The following PLEKHG1 variants were observed in gnomAD, a reference collection of about 807,000 sequenced individuals.
PLEKHG1 encodes the protein pleckstrin homology domain-containing family G member 1.
In PLEKHG1, 44 loss-of-function variants were observed where a neutral mutation model predicts 100.8. The ratio of observed to expected loss-of-function variants is 0.44; its 90% confidence interval spans 0.34 to 0.56. The LOEUF is 0.56. PLEKHG1 is among the 20% of genes least tolerant of loss of function. PLEKHG1 has a pLI of 0.01. For synonymous variants in PLEKHG1, 640 were observed against 662.5 expected (o/e 0.97, Z 0.52); for missense variants, 1,545 against 1,720.9 (o/e 0.90, Z 1.81).
At chr6:150,754,074 A>T in intron 2 of PLEKHG1, among the ~76,000 whole-genome samples, 1 of 152,228 alleles carries the variant, frequency 6.6e-6, no homozygotes, top group South Asian at 2.1e-4. Flanking sequence ...GCACTACATG[A>T]TGATGACCCT....
chr6:150,713,289 C>G (rs995946936), intron 3 of PLEKHG1, among the ~76,000 whole-genome samples: 27 of 151,968 alleles, frequency 1.8e-4, no homozygotes, highest in Non-Finnish European at 3.1e-4. Flanking sequence ...AAAAAAAAAT[C>G]CTGGAAAGTA....
intron 13 of PLEKHG1, among the ~76,000 whole-genome samples, chr6:150,822,106 G>T (rs1177712381): frequency 7.4e-6 from 1 of 134,432 alleles, no homozygotes; most frequent in East Asian, 2.3e-4. Flanking sequence ...CTCCCAAAGT[G>T]CTGGGATTAC....
In PLEKHG1 at chr6:150,721,201, G is replaced by A; in HGVS notation, c.-99+1G>A. The A allele has an allele frequency of 1.1e-5, 11 of 983,200 alleles. No homozygotes were observed. Among genetic ancestry groups the A allele is most frequent in the Middle Eastern group, 1.0e-3 (2 of 1,916 alleles). 60.9% of individuals were successfully genotyped at this position (983,200 alleles called of 1,614,324 possible). On this transcript the variant is annotated splice_donor_variant, in intron 1 of 15. Coordinates refer to ENST00000358517, the Ensembl canonical transcript of PLEKHG1. LOFTEE classifies it low-confidence loss of function (5UTR_SPLICE). ...GTGCTTAAGCCTGAGTGGAGCAGAG[G>A]TAGGTGCTAATGTGAGTGTCCCCAA...
At chr6:150,807,634 G>A (rs1316565501) in intron 7 of PLEKHG1, among the ~76,000 whole-genome samples, 3 of 152,100 alleles carry the variant, frequency 2.0e-5, no homozygotes, top group Admixed American at 1.3e-4. Context: ...GGGGAGTGGG[G>A]CAAGTGGGGG....
At chr6:150,729,726 C>A (rs770824532) in intron 1 of PLEKHG1, among the ~76,000 whole-genome samples, 1 of 152,130 alleles carries the variant, frequency 6.6e-6, no homozygotes, top group African/African-American at 2.4e-5. Context: ...CTAAATGCTA[C>A]GGACACCAAA....
intron 3 of PLEKHG1, among the ~76,000 whole-genome samples, chr6:150,769,745 A>G (rs979751190): frequency 2.0e-5 from 3 of 151,898 alleles, no homozygotes; most frequent in Admixed American, 6.6e-5. Context: ...AAACTAACTA[A>G]CCCCTGTATG....
intron 1 of PLEKHG1, among the ~76,000 whole-genome samples, chr6:150,733,136 G>A (rs1056373748): frequency 1.3e-5 from 2 of 152,076 alleles, no homozygotes; most frequent in East Asian, 1.9e-4. Context: ...GAATCACGTC[G>A]GGTCCCTTTT....
chr6:150,602,877 C>T (rs964573780), intron 1 of PLEKHG1, among the ~76,000 whole-genome samples: 3 of 151,764 alleles, frequency 2.0e-5, no homozygotes, highest in African/African-American at 7.3e-5. Context: ...AATTATAGAT[C>T]GAGACCATCC....
At chr6:150,824,152 G>A (rs755314286) in intron 14 of PLEKHG1, among the ~76,000 whole-genome samples, 4 of 152,224 alleles carry the variant, frequency 2.6e-5, no homozygotes, top group Non-Finnish European at 5.9e-5. Context: ...GCGTATGATC[G>A]AATGAGACTT....
Position 150,632,135 on chromosome 6 carries a change from G to C in PLEKHG1, c.-203-5945G>C, listed in dbSNP as rs144063200. On this transcript the variant is annotated intron_variant, in intron 1 of 3. Transcript: ENST00000367326. Reference sequence around the variant, plus strand: ...ATTTGCTCCTAAAAATGTGCATGTCGTAATGTTCAGTGAAAAAAGGAAAAG... The same window carrying C: ...ATTTGCTCCTAAAAATGTGCATGTCCTAATGTTCAGTGAAAAAAGGAAAAG... 5.3e-5 allele frequency among the ~76,000 whole-genome samples: 8 copies of C among 152,272 alleles called. No individual in the cohort carries two copies. The East Asian group carries it at 1.5e-3, about 29-fold the overall frequency.
At chr6:150,765,833 T>A (rs1314683578) in intron 2 of PLEKHG1, among the ~76,000 whole-genome samples, 2 of 152,238 alleles carry the variant, frequency 1.3e-5, no homozygotes, top group African/African-American at 4.8e-5. Flanking sequence ...ATTAGATTGA[T>A]ATTAAATCAT....
intron 1 of PLEKHG1, among the ~76,000 whole-genome samples, chr6:150,605,054 C>G (rs6928517): frequency 0.74 from 111,880 of 152,112 alleles, 41,690 homozygotes; most frequent in Non-Finnish European, 0.8. Flanking sequence ...CTCTTCCCTG[C>G]AGCCCTTCCT....
chr6:150,783,739 A>C (rs566859397), intron 3 of PLEKHG1, among the ~76,000 whole-genome samples: 115 of 152,138 alleles, frequency 7.6e-4, no homozygotes, highest in Non-Finnish European at 1.4e-3. Flanking sequence ...AGGACTGAAA[A>C]AGCTTTTTTG....
intron 14 of PLEKHG1, among the ~76,000 whole-genome samples, chr6:150,824,138 G>A (rs1776457324): frequency 6.6e-6 from 1 of 152,234 alleles, no homozygotes; most frequent in African/African-American, 2.4e-5. Flanking sequence ...CGTAAGAGGT[G>A]ATGGCGTATG....
intron 6 of PLEKHG1, among the ~76,000 whole-genome samples, chr6:150,804,333 G>A (rs1290938443): frequency 1.3e-5 from 2 of 149,600 alleles, no homozygotes; most frequent in Non-Finnish European, 3.0e-5. Context: ...CTATAGGCAT[G>A]TGCCACCACG....
intron 2 of PLEKHG1, among the ~76,000 whole-genome samples, chr6:150,759,100 G>A (rs1784011948): frequency 1.3e-5 from 2 of 152,232 alleles, no homozygotes; most frequent in African/African-American, 4.8e-5. Flanking sequence ...GGCCCACCGT[G>A]TGGTGGCTGG....
At chr6:150,636,064 G>T (rs975953614) in intron 1 of PLEKHG1, among the ~76,000 whole-genome samples, 5 of 152,096 alleles carry the variant, frequency 3.3e-5, no homozygotes, top group Admixed American at 6.6e-5. Context: ...GTTACTATTT[G>T]CAGATAAGTT....
At chr6:150,753,698 G>A (rs552901847) in intron 2 of PLEKHG1, among the ~76,000 whole-genome samples, 47 of 152,330 alleles carry the variant, frequency 3.1e-4, no homozygotes, top group African/African-American at 1.1e-3. Context: ...CGTTTCTTGT[G>A]CAAAGCGGGA....
Position 150,741,762 on chromosome 6 carries a change from C to G in PLEKHG1, c.411+7670C>G, listed in dbSNP as rs566621745. Among the ~76,000 whole-genome samples the G allele has an allele frequency of 3.3e-5, 5 of 152,320 alleles. No homozygotes were observed. In the East Asian group the frequency reaches 9.6e-4, roughly 29 times the overall value. ...CTTTCACTGCATACCTCCCCTTTGA[C>G]TATAACAGAAGGTTCAAAGTTCAGC... On this transcript the variant is annotated intron_variant, in intron 2 of 15. Coordinates refer to ENST00000358517, the Ensembl canonical transcript of PLEKHG1.
Sources: gnomAD v4.1 joint callset for allele counts (sites outside exome capture counted in the v4.1 genomes callset) on GRCh38, gnomAD v4.1.1 for gene constraint, MANE v1.5 for transcripts, NCBI Gene and HGNC (gene_info 2026-07-23, HGNC 2026-07-21) for gene names.